Variants in HECW2 observed in about 807,000 individuals in gnomAD.
HECW2 encodes the protein HECT, C2 and WW domain containing E3 ubiquitin protein ligase 2.
Under a neutral mutation model 175.2 loss-of-function variants are expected in HECW2, and 61 were observed. The observed-to-expected ratio is 0.35, with a 90% CI of 0.28 to 0.43. HECW2 has a LOEUF of 0.43. Ranked by LOEUF, HECW2 falls within the 20% of genes least tolerant of loss-of-function variation. The pLI, the probability that HECW2 is intolerant of heterozygous loss-of-function variation, is 1.00. For missense variants in HECW2, 1,524 were observed against 2,000.5 expected (o/e 0.76, Z 4.54); for synonymous variants, 671 against 731.0 (o/e 0.92, Z 1.32).
chr2:196,219,470 G>T (rs938627235), intron 26 of HECW2, among the ~76,000 whole-genome samples: 1 of 152,176 alleles, frequency 6.6e-6, no homozygotes, highest in Non-Finnish European at 1.5e-5. Flanking sequence ...TTTGTGAAGT[G>T]TCAGATAGTG....
chr2:196,494,526 G>A (rs917492411), intron 1 of HECW2, among the ~76,000 whole-genome samples: 1 of 152,164 alleles, frequency 6.6e-6, no homozygotes, highest in East Asian at 1.9e-4. Flanking sequence ...GAAGGGAGAA[G>A]TTTAGGAAGG....
intron 1 of HECW2, among the ~76,000 whole-genome samples, chr2:196,453,823 C>A (rs1446609467): frequency 1.3e-5 from 2 of 152,014 alleles, no homozygotes; most frequent in African/African-American, 4.8e-5. Flanking sequence ...GATAGAGAAT[C>A]AATATAACCT....
chr2:196,419,758 T>A (rs1695358774), intron 2 of HECW2, among the ~76,000 whole-genome samples: 1 of 152,180 alleles, frequency 6.6e-6, no homozygotes, highest in African/African-American at 2.4e-5. Context: ...ACAAATGTTA[T>A]CTTGTTCCAC....
chr2:196,560,751 G>A (rs115731148), intron 1 of HECW2, among the ~76,000 whole-genome samples: 2,696 of 152,274 alleles, frequency 0.018, 63 homozygotes, highest in African/African-American at 0.041. Flanking sequence ...GACCGCGAAC[G>A]GAGAGACTTG....
chr2:196,527,422 A>C (rs933359367), intron 1 of HECW2, among the ~76,000 whole-genome samples: 1 of 152,248 alleles, frequency 6.6e-6, no homozygotes, highest in Non-Finnish European at 1.5e-5. Flanking sequence ...ATGGAAATGC[A>C]GAAATCACCC....
At chr2:196,262,490 C>T (rs1409143697) in intron 17 of HECW2, among the ~76,000 whole-genome samples, 1 of 152,108 alleles carries the variant, frequency 6.6e-6, no homozygotes, top group African/African-American at 2.4e-5. Flanking sequence ...ATGGGTACAC[C>T]TTCTGATTTG....
intron 28 of HECW2, 115 bp from the exon 29 acceptor site, chr2:196,201,503 T>G: frequency 1.7e-6 from 1 of 572,092 alleles, no homozygotes; most frequent in Non-Finnish European, 3.0e-6. Flanking sequence ...ACATTCAAAT[T>G]TATTTGTTGC....
chr2:196,500,365 TTACA>T (rs1212763564), intron 1 of HECW2, among the ~76,000 whole-genome samples: 1 of 152,152 alleles, frequency 6.6e-6, no homozygotes, highest in Admixed American at 6.5e-5. Context: ...TTCATCATAC[TTACA>T]TACATACATG....
chr2:196,521,416 CTT>C (rs960666409), intron 1 of HECW2, among the ~76,000 whole-genome samples: 14 of 150,836 alleles, frequency 9.3e-5, no homozygotes, highest in African/African-American at 3.4e-4. Flanking sequence ...GTTTCAGAAA[CTT>C]ATATATGAAT....
intron 1 of HECW2, among the ~76,000 whole-genome samples, chr2:196,578,930 C>G (rs1690660962): frequency 6.6e-6 from 1 of 151,692 alleles, no homozygotes; most frequent in African/African-American, 2.4e-5. Context: ...GTAAAGCTAT[C>G]TACACAGAGA....
chr2:196,396,384 C>A (rs1396950536), intron 2 of HECW2, among the ~76,000 whole-genome samples: 1 of 152,074 alleles, frequency 6.6e-6, no homozygotes, highest in African/African-American at 2.4e-5. Context: ...ATGATGAATG[C>A]AAATATATGC....
intron 1 of HECW2, among the ~76,000 whole-genome samples, chr2:196,555,660 T>A (rs990603085): frequency 6.6e-6 from 1 of 152,092 alleles, no homozygotes; most frequent in Admixed American, 6.6e-5. Context: ...AGAAAAAAAA[T>A]TTGTAGGCCC....
intron 1 of HECW2, among the ~76,000 whole-genome samples, chr2:196,483,862 T>G (rs1248582357): frequency 6.6e-6 from 1 of 152,204 alleles, no homozygotes; most frequent in Non-Finnish European, 1.5e-5. Flanking sequence ...AGTGTGGACC[T>G]TCTGTGAAAG....
At chr2:196,275,491 C>T (rs1447505443) in intron 15 of HECW2, among the ~76,000 whole-genome samples, 6 of 152,172 alleles carry the variant, frequency 3.9e-5, no homozygotes, top group Non-Finnish European at 8.8e-5. Flanking sequence ...CGGTGGCTCA[C>T]ACCTATAATC....
At position 196,364,199 on chromosome 2, in the gene HECW2, C is replaced by T. The variant is rs115600450; in HGVS notation, c.293-20435G>A. Among the ~76,000 whole-genome samples, 60 of 152,280 alleles carry T rather than the reference C, an allele frequency of 3.9e-4. 1 individual carries two copies. Among genetic ancestry groups the T allele is most frequent in the African/African-American group, 1.1e-3 (47 of 41,552 alleles). On this transcript the variant is annotated intron_variant, in intron 2 of 28. Transcript: ENST00000644978. ...TTTGGTACATATACCACTTTACCTG[C>T]GCTCTAGGTTCTGGATTACCCACGT... is the stretch of plus-strand genomic sequence containing the variant.
rs749792815 is a variant in HECW2 at position 196,306,542 on chromosome 2, G to A, written c.2760C>T (p.Pro920=). The change falls in exon 13 of 29, where the codon CCC becomes CCT. Residue 920 remains proline (P), a synonymous_variant. Transcript: ENST00000644978. The part of the protein sequence containing the change: ...RSRITLLLQS[P]PVKFLISPEF... Reference sequence around the variant, plus strand: ...CTGGGCTGATGAGGAACTTCACGGGGGGAGACTGTAACAGCAACGTGATCC... The same window carrying A: ...CTGGGCTGATGAGGAACTTCACGGGAGGAGACTGTAACAGCAACGTGATCC... 1.6e-5 allele frequency: 26 copies of A among 1,612,970 alleles called. No individual in the cohort carries two copies. The highest frequency in any genetic ancestry group is 2.2e-5 in the Non-Finnish European group (26 of 1,179,488).
intron 1 of HECW2, among the ~76,000 whole-genome samples, chr2:196,438,909 G>C (rs1278931685): frequency 6.6e-6 from 1 of 152,224 alleles, no homozygotes; most frequent in Non-Finnish European, 1.5e-5. Flanking sequence ...CAGTGTCCCA[G>C]AGGTGCTTGT....
chr2:196,468,300 T>C (rs1407208890), intron 1 of HECW2, among the ~76,000 whole-genome samples: 1 of 152,242 alleles, frequency 6.6e-6, no homozygotes, highest in African/African-American at 2.4e-5. Flanking sequence ...CAGCTGGTTG[T>C]TCTTTAAAGA....
At chr2:196,457,773 C>T (rs576299404) in intron 1 of HECW2, among the ~76,000 whole-genome samples, 4 of 152,118 alleles carry the variant, frequency 2.6e-5, no homozygotes, top group African/African-American at 9.7e-5. Context: ...AGGTCTTTCA[C>T]TTCTATTCTT....
Sources: gnomAD v4.1 joint callset for allele counts (sites outside exome capture counted in the v4.1 genomes callset) on GRCh38, gnomAD v4.1.1 for gene constraint, MANE v1.5 for transcripts, NCBI Gene and HGNC (gene_info 2026-07-23, HGNC 2026-07-21) for gene names.